Variants in SLFN12L observed in about 807,000 individuals in gnomAD.
SLFN12L encodes the protein schlafen family member 12-like.
Under a neutral mutation model 34.8 loss-of-function variants are expected in SLFN12L, and 34 were observed. That is an observed-to-expected ratio of 0.98 (90% CI 0.74 to 1.30). SLFN12L has a LOEUF of 1.30. Among genes scored for constraint, SLFN12L ranks in the 50% most tolerant of loss-of-function variants. SLFN12L has a pLI of 0.00. For missense variants in SLFN12L, 703 were observed against 696.2 expected (o/e 1.01, Z -0.11); for synonymous variants, 259 against 247.5 (o/e 1.05, Z -0.44).
At chr17:35,523,026 CAATT>C (rs1216799818) in intron 1 of SLFN12L, 57 bp from the exon 2 acceptor site, 3 of 398,636 alleles carry the variant, frequency 7.5e-6, no homozygotes, top group Non-Finnish European at 8.9e-6. Flanking sequence ...CTGATTATGA[CAATT>C]AGTTATAATT....
intron 2 of SLFN12L, among the ~76,000 whole-genome samples, chr17:35,502,975 C>A (rs914501775): frequency 7.8e-6 from 1 of 128,628 alleles, no homozygotes; most frequent in Non-Finnish European, 1.6e-5. Context: ...CTGTGAAAGT[C>A]GTGAAAGAGA....
intron 4 of SLFN12L, among the ~76,000 whole-genome samples, chr17:35,477,114 G>C (rs1914067812): frequency 6.6e-6 from 1 of 152,144 alleles, no homozygotes; most frequent in African/African-American, 2.4e-5. Context: ...GGGTTTGGTG[G>C]TCTTAAGCCC....
Position 35,474,871 on chromosome 17 carries a change from C to T in SLFN12L, c.*52G>A. 6.8e-7 allele frequency: 1 copy of T among 1,467,476 alleles called. No individual in the cohort carries two copies. 90.9% of individuals were successfully genotyped at this position (1,467,476 alleles called of 1,614,324 possible). On this transcript the variant is annotated 3_prime_UTR_variant, in exon 5 of 5. Transcript: ENST00000628453. ...GCTTGAACCCAGGAGGCAGAGGTTG[C>T]AGTGAGTCGAGATCGTGTCACTACA...
At position 35,522,387 on chromosome 17, in the gene SLFN12L, T is replaced by C. The variant is rs556547106; in HGVS notation, c.-23A>G. On this transcript the variant is annotated 5_prime_UTR_variant, in exon 2 of 5. Coordinates refer to ENST00000628453, the MANE Select transcript of SLFN12L (RefSeq NM_001363830.2). ...CATGATCTTCATGGCCATGATGGTCTTTCCTAAGCCAGGTAAGCCATGGAC... is the reference window on the plus strand; with the variant it reads ...CATGATCTTCATGGCCATGATGGTCCTTCCTAAGCCAGGTAAGCCATGGAC... 1.2e-6 allele frequency: 2 copies of C among 1,614,212 alleles called. No individual in the cohort carries two copies. Among genetic ancestry groups the C allele is most frequent in the African/African-American group, 1.3e-5 (1 of 75,042 alleles).
Position 35,498,686 on chromosome 17 carries a change from A to G in SLFN12L, c.87-18491T>C, listed in dbSNP as rs118073888. The G allele has an allele frequency of 1.0e-3, 1,614 of 1,584,276 alleles. 19 individuals are homozygous for G. The East Asian group carries it at 0.016, about 16-fold the overall frequency. On this transcript the variant is annotated intron_variant, in intron 2 of 4. Coordinates refer to ENST00000628453, the MANE Select transcript of SLFN12L (RefSeq NM_001363830.2). ...TCCTATCTAACTTCAAGCTTCGAGC[A>G]TTCCTAGATAACAATTACGTGGTCC...
intron 2 of SLFN12L, among the ~76,000 whole-genome samples, chr17:35,494,889 T>TTTTATTTATTTATTTA (rs3087173): frequency 8.8e-5 from 13 of 146,932 alleles, no homozygotes; most frequent in African/African-American, 3.3e-4. Context: ...AATTTATTTA[T>TTTTATTTATTTATTTA]TTTATTTATT....
intron 2 of SLFN12L, among the ~76,000 whole-genome samples, chr17:35,496,546 C>T (rs1450880375): frequency 1.3e-5 from 2 of 151,162 alleles, no homozygotes; most frequent in Non-Finnish European, 2.9e-5. Flanking sequence ...TTTCCCTTCC[C>T]TCCCCTCCCC....
intron 2 of SLFN12L, among the ~76,000 whole-genome samples, chr17:35,508,665 T>C (rs1915544655): frequency 6.6e-6 from 1 of 152,164 alleles, no homozygotes; most frequent in South Asian, 2.1e-4. Context: ...TAGAATTTTA[T>C]AGTACTCTCC....
At chr17:35,497,276 A>G (rs955044352) in intron 2 of SLFN12L, among the ~76,000 whole-genome samples, 2 of 152,174 alleles carry the variant, frequency 1.3e-5, no homozygotes, top group Non-Finnish European at 2.9e-5. Context: ...CTATAATCCC[A>G]GCTACTGGGG....
chr17:35,526,676 A>G (rs1056635859), intron 1 of SLFN12L, among the ~76,000 whole-genome samples: 2 of 152,182 alleles, frequency 1.3e-5, no homozygotes, highest in African/African-American at 4.8e-5. Flanking sequence ...CAAAGACACA[A>G]CGTGCCGGAA....
At chr17:35,521,919 G>T (rs1423871721) in intron 2 of SLFN12L, among the ~76,000 whole-genome samples, 2 of 151,544 alleles carry the variant, frequency 1.3e-5, no homozygotes, top group Non-Finnish European at 2.9e-5. Flanking sequence ...AGCTAAAAAA[G>T]GTAGAAAATG....
intron 2 of SLFN12L, among the ~76,000 whole-genome samples, chr17:35,485,135 G>C (rs186849291): frequency 6.6e-6 from 1 of 151,896 alleles, no homozygotes; most frequent in Admixed American, 6.6e-5. Flanking sequence ...CTAGCTAAAG[G>C]TTTGTCAATC....
At chr17:35,507,317 C>T (rs1386937152) in intron 2 of SLFN12L, among the ~76,000 whole-genome samples, 2 of 152,138 alleles carry the variant, frequency 1.3e-5, no homozygotes, top group Admixed American at 1.3e-4. Flanking sequence ...CAAGATGGCT[C>T]ATAGGGATTC....
intron 4 of SLFN12L, 139 bp downstream of exon 4, chr17:35,477,935 CA>C (rs1914110602): frequency 1.7e-6 from 1 of 584,092 alleles, no homozygotes; most frequent in Non-Finnish European, 3.0e-6. Context: ...TTGACAAATT[CA>C]ATGACTAAAA....
chr17:35,479,157 G>A lies in SLFN12L; in HGVS notation c.1125C>T (p.Thr375=), dbSNP rs767158221. ...HVKDNRVKQL[T]EKEWIQFMVD... is the part of the protein sequence containing the mutation. ...CCATGAACTGGATCCATTCCTTCTC[G>A]GTCAACTGCTTAACTCTGTTATCTT... The change falls in exon 3 of 5, where the codon ACC becomes ACT. Residue 375 remains threonine (T), a synonymous_variant. Transcript: ENST00000628453. 94 of 1,572,222 alleles carry A rather than the reference G, an allele frequency of 6.0e-5. No individual in the cohort carries two copies. The highest frequency in any genetic ancestry group is 7.0e-5 in the Non-Finnish European group (81 of 1,157,298).
Position 35,495,955 on chromosome 17 carries a change from G to A in SLFN12L, c.87-15760C>T, listed in dbSNP as rs556860992. 8.2e-5 allele frequency among the ~76,000 whole-genome samples: 12 copies of A among 146,102 alleles called. No individual in the cohort carries two copies. In the East Asian group the frequency reaches 1.8e-3, roughly 22 times the overall value. On this transcript the variant is annotated intron_variant, in intron 2 of 4. Transcript: ENST00000628453. ...CACACACACACACACACAACAAAAC[G>A]CCAAGACGTGCCAGTGTCTACAGCG...
chr17:35,492,806 T>A (rs1205221216), intron 2 of SLFN12L, among the ~76,000 whole-genome samples: 1 of 152,088 alleles, frequency 6.6e-6, no homozygotes, highest in Non-Finnish European at 1.5e-5. Flanking sequence ...GTCCATTCCT[T>A]GGATGCTAAG....
intron 2 of SLFN12L, chr17:35,489,932 G>A: frequency 8.1e-7 from 1 of 1,231,914 alleles, no homozygotes. Context: ...CTCCAAGTGG[G>A]ACAAAAATCC....
intron 1 of SLFN12L, among the ~76,000 whole-genome samples, chr17:35,536,493 C>T (rs1209596642): frequency 6.6e-6 from 1 of 152,004 alleles, no homozygotes; most frequent in Non-Finnish European, 1.5e-5. Flanking sequence ...TCTCTGAAAA[C>T]AAAATAGTTT....
Sources: gnomAD v4.1 joint callset for allele counts (sites outside exome capture counted in the v4.1 genomes callset) on GRCh38, gnomAD v4.1.1 for gene constraint, MANE v1.5 for transcripts, NCBI Gene and HGNC (gene_info 2026-07-23, HGNC 2026-07-21) for gene names.